The following ESRRG variants were observed in gnomAD, a reference collection of about 807,000 sequenced individuals.
ESRRG encodes the protein estrogen-related receptor gamma.
A neutral mutation model predicts 44.0 loss-of-function variants in ESRRG; 13 were observed. That is an observed-to-expected ratio of 0.30 (90% CI 0.19 to 0.47). ESRRG has a LOEUF of 0.47. ESRRG is among the 20% of genes least tolerant of loss of function. The pLI, the probability that ESRRG is intolerant of heterozygous loss-of-function variation, is 1.00. For synonymous variants in ESRRG, 215 were observed against 214.6 expected (o/e 1.00, Z -0.02); for missense variants, 395 against 580.6 (o/e 0.68, Z 3.29).
intron 1 of ESRRG, among the ~76,000 whole-genome samples, chr1:217,100,544 T>C (rs6682972): frequency 0.54 from 82,712 of 152,140 alleles, 23,003 homozygotes; most frequent in African/African-American, 0.64. Context: ...TTAGCCCATT[T>C]CTGCATTGCT....
At chr1:216,631,409 A>C (rs2064158369) in intron 3 of ESRRG, among the ~76,000 whole-genome samples, 1 of 152,208 alleles carries the variant, frequency 6.6e-6, no homozygotes, top group Non-Finnish European at 1.5e-5. Context: ...TGGAAAATGC[A>C]TTTACATCAT....
intron 2 of ESRRG, among the ~76,000 whole-genome samples, chr1:216,776,586 C>T (rs147141743): frequency 2.0e-5 from 3 of 152,156 alleles, no homozygotes; most frequent in African/African-American, 7.2e-5. Context: ...TAAAAAAATG[C>T]TAAATGGTTA....
chr1:216,508,562 G>A lies in ESRRG; in HGVS notation c.1133-1379C>T, dbSNP rs190029763. 9.9e-5 allele frequency among the ~76,000 whole-genome samples: 15 copies of A among 152,246 alleles called. No individual in the cohort carries two copies. In the East Asian group the frequency reaches 2.5e-3, roughly 25 times the overall value. The stretch of plus-strand genomic sequence containing the variant: ...GGACTCAAGTCACTCCCCAACATAC[G>A]CCTGGCCTTTCCCTGTGGATTGTTT... On this transcript the variant is annotated intron_variant, in intron 6 of 6. Transcript: ENST00000408911.
chr1:216,539,483 A>G (rs2052032477), intron 5 of ESRRG, among the ~76,000 whole-genome samples: 1 of 151,762 alleles, frequency 6.6e-6, no homozygotes, highest in South Asian at 2.1e-4. Context: ...ACCCTCCCTG[A>G]CCCTCGGTTC....
At chr1:216,553,937 T>C (rs1466326454) in intron 5 of ESRRG, among the ~76,000 whole-genome samples, 1 of 152,144 alleles carries the variant, frequency 6.6e-6, no homozygotes, top group Non-Finnish European at 1.5e-5. Flanking sequence ...CATAGCAAAG[T>C]ATGTATAAAC....
intron 5 of ESRRG, among the ~76,000 whole-genome samples, chr1:216,561,340 G>A (rs1463832818): frequency 6.6e-6 from 1 of 151,732 alleles, no homozygotes; most frequent in Non-Finnish European, 1.5e-5. Flanking sequence ...AGATAACAGG[G>A]GCTTGAATTT....
chr1:216,991,173 A>T (rs1053063977), intron 1 of ESRRG, among the ~76,000 whole-genome samples: 2 of 147,030 alleles, frequency 1.4e-5, no homozygotes, highest in Non-Finnish European at 3.1e-5. Context: ...GAGGTAAAAC[A>T]GTTTCATCCC....
At chr1:217,098,302 T>C (rs1193777833) in intron 1 of ESRRG, among the ~76,000 whole-genome samples, 1 of 150,728 alleles carries the variant, frequency 6.6e-6, no homozygotes, top group African/African-American at 2.5e-5. Flanking sequence ...AAAAAGTACA[T>C]CATAAAACAC....
chr1:217,100,813 C>T (rs533563652), intron 1 of ESRRG, among the ~76,000 whole-genome samples: 1 of 152,214 alleles, frequency 6.6e-6, no homozygotes, highest in African/African-American at 2.4e-5. Flanking sequence ...ACTTATTACC[C>T]CAAGGATGGC....
intron 1 of ESRRG, among the ~76,000 whole-genome samples, chr1:216,699,203 T>A (rs2080899353): frequency 6.6e-6 from 1 of 152,190 alleles, no homozygotes; most frequent in African/African-American, 2.4e-5. Context: ...TTGTACTGAG[T>A]ACAGGGGGTT....
intron 1 of ESRRG, among the ~76,000 whole-genome samples, chr1:217,110,409 T>G (rs1412492776): frequency 6.6e-6 from 1 of 152,164 alleles, no homozygotes; most frequent in East Asian, 1.9e-4. Context: ...CATTGCCTGT[T>G]TGCCTCTTTC....
intron 1 of ESRRG, among the ~76,000 whole-genome samples, chr1:217,033,488 T>A (rs1277104990): frequency 6.6e-6 from 1 of 152,204 alleles, no homozygotes; most frequent in African/African-American, 2.4e-5. Flanking sequence ...TGATTAATGT[T>A]TGGATGTCTT....
At chr1:216,585,993 C>G (rs1460018315) in intron 3 of ESRRG, among the ~76,000 whole-genome samples, 3 of 150,784 alleles carry the variant, frequency 2.0e-5, no homozygotes, top group Non-Finnish European at 4.4e-5. Context: ...TGAGCCGAGA[C>G]TGTGCCACTG....
chr1:216,835,723 G>A (rs1190996076), intron 2 of ESRRG, among the ~76,000 whole-genome samples: 6 of 152,144 alleles, frequency 3.9e-5, no homozygotes, highest in Admixed American at 1.3e-4. Context: ...CAATGAAGTG[G>A]GTGACGACTT....
At chr1:216,855,766 C>A (rs1007906914) in intron 2 of ESRRG, among the ~76,000 whole-genome samples, 1 of 152,152 alleles carries the variant, frequency 6.6e-6, no homozygotes. Context: ...CTGCAAAGAT[C>A]CTGCGGCTGC....
intron 1 of ESRRG, among the ~76,000 whole-genome samples, chr1:217,032,564 C>T (rs2082232446): frequency 6.6e-6 from 1 of 152,098 alleles, no homozygotes; most frequent in African/African-American, 2.4e-5. Flanking sequence ...TCAACATGAT[C>T]CAGCTTCTAA....
intron 2 of ESRRG, among the ~76,000 whole-genome samples, chr1:216,770,469 G>A (rs932385835): frequency 2.6e-5 from 4 of 152,068 alleles, no homozygotes; most frequent in African/African-American, 9.7e-5. Context: ...TTAGCATTGG[G>A]AGATAGATCA....
At chr1:216,541,271 T>A (rs2052636168) in intron 5 of ESRRG, among the ~76,000 whole-genome samples, 1 of 152,020 alleles carries the variant, frequency 6.6e-6, no homozygotes, top group Admixed American at 6.6e-5. Context: ...CCTGCTAAAT[T>A]AAAAACTACA....
intron 2 of ESRRG, among the ~76,000 whole-genome samples, chr1:216,866,850 A>T (rs1231299791): frequency 6.6e-6 from 1 of 151,900 alleles, no homozygotes; most frequent in Non-Finnish European, 1.5e-5. Context: ...TCATTTTTTG[A>T]TGTGGGTTTT....
Sources: gnomAD v4.1 joint callset for allele counts (sites outside exome capture counted in the v4.1 genomes callset) on GRCh38, gnomAD v4.1.1 for gene constraint, MANE v1.5 for transcripts, NCBI Gene and HGNC (gene_info 2026-07-23, HGNC 2026-07-21) for gene names.